The following USP10 variants were observed in gnomAD, a reference collection of about 807,000 sequenced individuals.
USP10 encodes ubiquitin specific peptidase 10, also known as ubiquitin carboxyl-terminal hydrolase 10.
USP10 carries 22 observed loss-of-function variants against 84.5 expected under a neutral mutation model. That is an observed-to-expected ratio of 0.26 (90% CI 0.19 to 0.37). USP10 has a LOEUF of 0.37. Ranked by LOEUF, USP10 falls within the 10% of genes least tolerant of loss-of-function variation. The probability of loss-of-function intolerance (pLI) is 1.00; values close to 1 mark genes in which losing one functional copy is unlikely to be tolerated. For missense variants in USP10, 1,019 were observed against 998.9 expected, an observed-to-expected ratio of 1.02 and a Z score of -0.27; for synonymous variants, 454 against 387.6, an observed-to-expected ratio of 1.17 and a Z score of -2.01.
intron 4 of USP10, among the ~76,000 whole-genome samples, chr16:84,748,534 C>T (rs955076189): frequency 2.0e-5 from 3 of 152,154 alleles, no homozygotes; most frequent in Non-Finnish European, 2.9e-5. Context: ...GAGCTCCTGA[C>T]CTCAAGTGAT....
chr16:84,719,559 C>G (rs1907515974), intron 1 of USP10, among the ~76,000 whole-genome samples: 1 of 152,182 alleles, frequency 6.6e-6, no homozygotes, highest in African/African-American at 2.4e-5. Context: ...AGGCCTTTGT[C>G]CAATATGGTT....
In USP10 at chr16:84,700,028, C is replaced by T. The variant is rs1904624903; in HGVS notation, c.-63C>T. ...TGTGTATGTGCGGGCGAGAAGATGGCGGCGGCGGGGGAAGCAGCGTGAGCA... is the reference window on the plus strand; with the variant it reads ...TGTGTATGTGCGGGCGAGAAGATGGTGGCGGCGGGGGAAGCAGCGTGAGCA... On this transcript the variant is annotated 5_prime_UTR_variant, in exon 1 of 14. Transcript: ENST00000219473. The T allele has an allele frequency of 3.0e-6, 4 of 1,325,846 alleles. No individual in the cohort carries two copies. Among genetic ancestry groups the T allele is most frequent in the Admixed American group, 5.2e-5 (2 of 38,124 alleles). The allele number at this position is 1,325,846 out of a possible 1,614,324, so 82.1% of individuals were successfully genotyped here. A position where few individuals can be genotyped will look rare whatever the true frequency, so the allele number is the denominator to read the frequency against.
At chr16:84,721,500 G>T (rs921809391) in intron 1 of USP10, among the ~76,000 whole-genome samples, 18 of 152,134 alleles carry the variant, frequency 1.2e-4, no homozygotes, top group African/African-American at 3.6e-4. Flanking sequence ...TACAATAAAT[G>T]TACCCATTTT....
chr16:84,744,464 T>C (rs1195953191), intron 3 of USP10, among the ~76,000 whole-genome samples, 169 bp from the exon 4 acceptor site: 7 of 152,244 alleles, frequency 4.6e-5, no homozygotes, highest in Admixed American at 6.5e-5. Flanking sequence ...ATAATAATTT[T>C]ATAGTTGTTT....
At chr16:84,746,379 T>C (rs1911226403) in intron 4 of USP10, among the ~76,000 whole-genome samples, 1 of 152,222 alleles carries the variant, frequency 6.6e-6, no homozygotes, top group South Asian at 2.1e-4. Flanking sequence ...GGATATGTGT[T>C]CCGAGATGTG....
In USP10 at chr16:84,735,355, C is replaced by T. The variant is rs549617059; in HGVS notation, c.90+1852C>T. 1.4e-4 allele frequency among the ~76,000 whole-genome samples: 21 copies of T among 152,092 alleles called. No homozygotes were observed. The East Asian group carries it at 1.9e-3, about 14-fold the overall frequency. ...GTGTACACATGTGGATGGGTGGGTA[C>T]CTGTTTGCAAGTGAGTAGACAAAAA... On this transcript the variant is annotated intron_variant, in intron 2 of 13. Transcript: ENST00000219473.
At chr16:84,770,468 T>G (rs547760354) in intron 11 of USP10, among the ~76,000 whole-genome samples, 34 of 152,142 alleles carry the variant, frequency 2.2e-4, no homozygotes, top group Non-Finnish European at 2.8e-4. Flanking sequence ...CTTTGTTGAG[T>G]GATTAGAAAT....
chr16:84,728,894 G>A (rs1206651250), intron 1 of USP10, among the ~76,000 whole-genome samples: 1 of 152,052 alleles, frequency 6.6e-6, no homozygotes, highest in African/African-American at 2.4e-5. Context: ...CGCCTTCCAG[G>A]TTCACGTAAT....
At position 84,749,227 on chromosome 16, in the gene USP10, T is replaced by C. The variant is rs553725078; in HGVS notation, c.1192+3554T>C. Among the ~76,000 whole-genome samples, 4 of 152,344 alleles carry C rather than the reference T, an allele frequency of 2.6e-5. No homozygotes were observed. In the East Asian group the frequency reaches 7.7e-4, roughly 29 times the overall value. On this transcript the variant is annotated intron_variant, in intron 4 of 13. Transcript: ENST00000219473. ...TAAAAGTGGTAAAACATACTCAGTT[T>C]GTTACAAGTCAGATCCACTACCACA...
chr16:84,705,004 G>C (rs891185446), intron 1 of USP10: 1 of 1,234,626 alleles, frequency 8.1e-7, no homozygotes, highest in Non-Finnish European at 1.1e-6. Flanking sequence ...CGCTGTAATG[G>C]TGGCTGCTCC....
At position 84,778,883 on chromosome 16, in the gene USP10, G is replaced by T. The variant is rs1184680914; in HGVS notation, c.2210-12G>T. On this transcript the variant is annotated splice_polypyrimidine_tract_variant and intron_variant, in intron 13 of 13. Coordinates refer to ENST00000219473, the MANE Select transcript of USP10 (RefSeq NM_005153.3). ...CTGTTCTCACTCTGCTGCCTGCTGG[G>T]CTCTCTTCCAGTGGTCTACCATCAC... 16 of 1,610,170 alleles carry T rather than the reference G, an allele frequency of 9.9e-6. No homozygotes were observed. Among genetic ancestry groups the T allele is most frequent in the African/African-American group, 1.3e-5 (1 of 74,872 alleles).
At chr16:84,765,592 C>T (rs1913763718) in intron 10 of USP10, among the ~76,000 whole-genome samples, 1 of 151,896 alleles carries the variant, frequency 6.6e-6, no homozygotes, top group East Asian at 1.9e-4. Flanking sequence ...CCTGTTGTGG[C>T]AAATGGCAGG....
chr16:84,717,054 C>T (rs549159479), intron 1 of USP10, among the ~76,000 whole-genome samples: 1 of 152,250 alleles, frequency 6.6e-6, no homozygotes, highest in East Asian at 1.9e-4. Flanking sequence ...GAATCAGCTG[C>T]GGGTCTTGTG....
At chr16:84,735,455 C>G (rs1159630955) in intron 2 of USP10, among the ~76,000 whole-genome samples, 1 of 152,130 alleles carries the variant, frequency 6.6e-6, no homozygotes, top group Non-Finnish European at 1.5e-5. Flanking sequence ...CGCTTCAGTT[C>G]TGCCACTTCC....
chr16:84,775,676 C>A (rs759748557), intron 13 of USP10, among the ~76,000 whole-genome samples: 1 of 152,096 alleles, frequency 6.6e-6, no homozygotes, highest in Non-Finnish European at 1.5e-5. Flanking sequence ...AGGGTGGGCC[C>A]GATTACACAA....
At chr16:84,749,752 A>G (rs971930974) in intron 4 of USP10, among the ~76,000 whole-genome samples, 8 of 152,230 alleles carry the variant, frequency 5.3e-5, no homozygotes, top group African/African-American at 1.9e-4. Flanking sequence ...AGATGGACTA[A>G]AAGAATCACG....
chr16:84,746,464 G>A (rs982914979), intron 4 of USP10, among the ~76,000 whole-genome samples: 1 of 152,186 alleles, frequency 6.6e-6, no homozygotes, highest in African/African-American at 2.4e-5. Flanking sequence ...TATTACTCCC[G>A]GGCTGCAAAC....
intron 4 of USP10, among the ~76,000 whole-genome samples, chr16:84,747,554 ATTTTTTTTTT>A (rs71151244): frequency 1.8e-4 from 13 of 73,032 alleles, no homozygotes; most frequent in East Asian, 4.5e-4. Context: ...AAGCCAGGTG[ATTTTTTTTTT>A]TTTTTTTTTT....
At chr16:84,760,046 C>G (rs978622209) in intron 7 of USP10, 100 bp downstream of exon 7, 4 of 1,526,710 alleles carry the variant, frequency 2.6e-6, no homozygotes, top group East Asian at 2.3e-5. Flanking sequence ...AAGATAGTGT[C>G]TTTACACCTA....
Sources: allele counts gnomAD v4.1 joint callset (sites outside exome capture counted in the v4.1 genomes callset), GRCh38; gene constraint gnomAD v4.1.1; transcripts MANE v1.5; gene names NCBI Gene and HGNC (gene_info 2026-07-23, HGNC 2026-07-21).